ARB2A: variants seen among roughly 807,000 people sequenced by gnomAD.
The protein encoded by ARB2A is cotranscriptional regulator ARB2A.
At chr5:93,889,287 C>T in the ARB2A span, among the ~76,000 whole-genome samples, 5 of 151,604 alleles carry the variant, frequency 3.3e-5, no homozygotes, top group African/African-American at 1.2e-4. Context: ...TGTGTTTGTG[C>T]GTGTGTGCAT....
At chr5:93,680,117 A>G in the ARB2A span, among the ~76,000 whole-genome samples, 1 of 152,134 alleles carries the variant, frequency 6.6e-6, no homozygotes, top group African/African-American at 2.4e-5. Context: ...AAGCATACAC[A>G]TCGACACACT....
chr5:94,077,176 C>A, the ARB2A span, among the ~76,000 whole-genome samples: 1 of 151,464 alleles, frequency 6.6e-6, no homozygotes, highest in Non-Finnish European at 1.5e-5. Context: ...AGATGGAGAC[C>A]AACCTGGCTA....
the ARB2A span, among the ~76,000 whole-genome samples, chr5:94,026,355 TC>T: frequency 6.6e-6 from 1 of 151,836 alleles, no homozygotes; most frequent in Non-Finnish European, 1.5e-5. Context: ...GGTCTTGAGT[TC>T]TTGTCCTGTG....
chr5:93,873,058 A>T, the ARB2A span, among the ~76,000 whole-genome samples: 2 of 152,180 alleles, frequency 1.3e-5, no homozygotes, highest in Non-Finnish European at 2.9e-5. Flanking sequence ...GGGTAGATTT[A>T]TACAAATAGG....
chr5:93,852,969 G>A, the ARB2A span, among the ~76,000 whole-genome samples: 1 of 152,184 alleles, frequency 6.6e-6, no homozygotes, highest in Non-Finnish European at 1.5e-5. Context: ...GAACTTTAAA[G>A]TAGTTTTTTT....
the ARB2A span, chr5:93,964,450 T>G: frequency 6.6e-7 from 1 of 1,523,332 alleles, no homozygotes; most frequent in Non-Finnish European, 9.0e-7. Flanking sequence ...CTTTAAAATT[T>G]GACTTACTGG....
chr5:94,009,857 T>C, the ARB2A span, among the ~76,000 whole-genome samples: 19 of 152,070 alleles, frequency 1.2e-4, no homozygotes, highest in Admixed American at 2.0e-4. Flanking sequence ...TTGTTTGATA[T>C]CTATGAGATA....
chr5:93,810,768 G>T, the ARB2A span, among the ~76,000 whole-genome samples: 4 of 151,818 alleles, frequency 2.6e-5, no homozygotes, highest in African/African-American at 7.2e-5. Flanking sequence ...TCTTTTTTTT[G>T]AGTGACAGTA....
chr5:93,748,290 G>A, the ARB2A span, among the ~76,000 whole-genome samples: 6 of 152,210 alleles, frequency 3.9e-5, no homozygotes, highest in South Asian at 8.3e-4. Context: ...AGAATAAAAG[G>A]AAAAGGTTAG....
At chr5:93,953,868 C>G in the ARB2A span, among the ~76,000 whole-genome samples, 2 of 152,102 alleles carry the variant, frequency 1.3e-5, no homozygotes, top group Admixed American at 6.5e-5. Context: ...ACTCTCCCCT[C>G]CCCTTTCCAC....
chr5:93,677,465 A>G, the ARB2A span, among the ~76,000 whole-genome samples: 1 of 152,230 alleles, frequency 6.6e-6, no homozygotes, highest in African/African-American at 2.4e-5. Flanking sequence ...ATAGCCGCTC[A>G]GGCAAGTGAG....
chr5:94,005,762 T>C, the ARB2A span, among the ~76,000 whole-genome samples: 5 of 152,238 alleles, frequency 3.3e-5, no homozygotes, highest in East Asian at 9.6e-4. Context: ...TACACAGGTG[T>C]TGAGTAAGCA....
the ARB2A span, among the ~76,000 whole-genome samples, chr5:93,956,662 G>C: frequency 2.7e-5 from 4 of 150,010 alleles, no homozygotes; most frequent in African/African-American, 4.9e-5. Flanking sequence ...AACAAAAGCA[G>C]AGCTAGCCTA....
At chr5:93,805,773 TG>T in the ARB2A span, 1 of 985,186 alleles carries the variant, frequency 1.0e-6, no homozygotes, top group Non-Finnish European at 1.2e-6. Context: ...CACTTGCATT[TG>T]GGGTTGTCGT....
chr5:93,735,976 A>C, the ARB2A span: 2 of 152,098 alleles, frequency 1.3e-5, no homozygotes, highest in South Asian at 2.1e-4. Context: ...ACATTCTCTT[A>C]AATGGAAGCA....
At chr5:93,928,282 TTTGA>T in the ARB2A span, among the ~76,000 whole-genome samples, 1 of 152,152 alleles carries the variant, frequency 6.6e-6, no homozygotes, top group African/African-American at 2.4e-5. Flanking sequence ...ATTTCATTAG[TTTGA>T]TTGAAGTATT....
At chr5:93,644,755 A>G in the ARB2A span, among the ~76,000 whole-genome samples, 1 of 152,188 alleles carries the variant, frequency 6.6e-6, no homozygotes, top group African/African-American at 2.4e-5. Flanking sequence ...TGGGCACAGA[A>G]CACAGAAGTT....
chr5:94,043,637 C>T, the ARB2A span, among the ~76,000 whole-genome samples: 447 of 152,254 alleles, frequency 2.9e-3, 2 homozygotes, highest in African/African-American at 0.011. Flanking sequence ...CCTACACAGT[C>T]CCTGTACAGG....
chr5:93,696,978 C>T, the ARB2A span, among the ~76,000 whole-genome samples: 4 of 146,218 alleles, frequency 2.7e-5, no homozygotes, highest in Admixed American at 2.1e-4. Context: ...AGGAGAATCG[C>T]TTGAATCTGG....
Sources: gnomAD v4.1 joint callset for allele counts (sites outside exome capture counted in the v4.1 genomes callset) on GRCh38, gnomAD v4.1.1 for gene constraint, MANE v1.5 for transcripts, NCBI Gene and HGNC (gene_info 2026-07-23, HGNC 2026-07-21) for gene names.